CFAP61: variants seen among roughly 807,000 people sequenced by gnomAD.
CFAP61 encodes cilia- and flagella-associated protein 61.
In CFAP61, 107 loss-of-function variants were observed where a neutral mutation model predicts 135.6. The ratio of observed to expected loss-of-function variants is 0.79; its 90% confidence interval spans 0.67 to 0.93. The LOEUF is 0.93. CFAP61 is among the 40% of genes least tolerant of loss of function. CFAP61 has a pLI of 0.00. For missense variants in CFAP61, 1,507 were observed against 1,556.2 expected, an observed-to-expected ratio of 0.97 and a Z score of 0.53; for synonymous variants, 575 against 578.5, an observed-to-expected ratio of 0.99 and a Z score of 0.09.
At chr20:20,209,533 A>G (rs906080115) in intron 17 of CFAP61, among the ~76,000 whole-genome samples, 1 of 152,188 alleles carries the variant, frequency 6.6e-6, no homozygotes, top group Admixed American at 6.5e-5. Flanking sequence ...TTTTTATGTC[A>G]GATACAGATT....
chr20:20,295,160 T>C (rs932034879), intron 24 of CFAP61, among the ~76,000 whole-genome samples: 17 of 152,076 alleles, frequency 1.1e-4, no homozygotes, highest in African/African-American at 3.9e-4. Context: ...ACTGTGACCC[T>C]CGTCTTGAGG....
intron 17 of CFAP61, among the ~76,000 whole-genome samples, chr20:20,207,472 T>C (rs951818949): frequency 6.6e-6 from 1 of 152,222 alleles, no homozygotes; most frequent in African/African-American, 2.4e-5. Context: ...AGCTGCCTGC[T>C]GCAGAGCTCT....
At chr20:20,244,572 G>C (rs2050288779) in intron 18 of CFAP61, among the ~76,000 whole-genome samples, 1 of 152,190 alleles carries the variant, frequency 6.6e-6, no homozygotes, top group Non-Finnish European at 1.5e-5. Flanking sequence ...GGGACCCTGG[G>C]CTCAACCCAC....
At chr20:20,205,769 T>C (rs2056829426) in intron 17 of CFAP61, among the ~76,000 whole-genome samples, 1 of 152,226 alleles carries the variant, frequency 6.6e-6, no homozygotes, top group Non-Finnish European at 1.5e-5. Context: ...TGCAGTTAGC[T>C]CTCTGCTGTA....
chr20:20,178,640 A>G (rs1181079936), intron 13 of CFAP61, among the ~76,000 whole-genome samples: 1 of 151,204 alleles, frequency 6.6e-6, no homozygotes, highest in African/African-American at 2.4e-5. Flanking sequence ...TGGCTCAGTA[A>G]ATAAAATGCA....
At chr20:20,170,085 G>A (rs931686523) in intron 13 of CFAP61, among the ~76,000 whole-genome samples, 2 of 152,204 alleles carry the variant, frequency 1.3e-5, no homozygotes, top group South Asian at 4.1e-4. Flanking sequence ...CTGCAACTGT[G>A]ATGGGAGTAA....
chr20:20,061,938 C>T (rs545774250), intron 2 of CFAP61, among the ~76,000 whole-genome samples: 138 of 152,316 alleles, frequency 9.1e-4, no homozygotes, highest in Middle Eastern at 3.4e-3. Flanking sequence ...TGAGAGTGAA[C>T]ACCTCCTTCC....
At chr20:20,086,187 T>C (rs1325929270) in intron 6 of CFAP61, among the ~76,000 whole-genome samples, 2 of 151,794 alleles carry the variant, frequency 1.3e-5, no homozygotes, top group African/African-American at 2.4e-5. Flanking sequence ...TTATTATACT[T>C]TAAGTTTTAG....
At chr20:20,229,417 C>A (rs182147044) in intron 18 of CFAP61, among the ~76,000 whole-genome samples, 17 of 152,216 alleles carry the variant, frequency 1.1e-4, no homozygotes, top group African/African-American at 3.9e-4. Context: ...CCAGTTTTTC[C>A]AAATCTTTTG....
chr20:20,309,748 T>C (rs1454423609), intron 25 of CFAP61, among the ~76,000 whole-genome samples: 1 of 152,186 alleles, frequency 6.6e-6, no homozygotes, highest in East Asian at 1.9e-4. Flanking sequence ...ATAATTTTGC[T>C]CTCTGATAAA....
intron 13 of CFAP61, among the ~76,000 whole-genome samples, chr20:20,186,598 G>T (rs2146863585): frequency 6.6e-6 from 1 of 152,302 alleles, no homozygotes; most frequent in South Asian, 2.1e-4. Context: ...AGATTTTGGT[G>T]TAAGGTGGTC....
At chr20:20,260,219 C>T (rs2052045841) in intron 20 of CFAP61, among the ~76,000 whole-genome samples, 1 of 152,192 alleles carries the variant, frequency 6.6e-6, no homozygotes, top group African/African-American at 2.4e-5. Context: ...AAGGAAGCTT[C>T]TTTTTACTTT....
chr20:20,247,695 C>T (rs77527706), intron 19 of CFAP61, among the ~76,000 whole-genome samples: 35 of 152,334 alleles, frequency 2.3e-4, no homozygotes, highest in African/African-American at 8.4e-4. Context: ...ACTCTGTCTC[C>T]ATCTACTTAA....
chr20:20,104,204 A>C (rs920327402), intron 8 of CFAP61, among the ~76,000 whole-genome samples: 1 of 152,138 alleles, frequency 6.6e-6, no homozygotes, highest in Admixed American at 6.5e-5. Flanking sequence ...TTCAAAATAG[A>C]ATTTTTGTAA....
At chr20:20,223,596 T>G (rs2048540530) in intron 17 of CFAP61, among the ~76,000 whole-genome samples, 1 of 152,242 alleles carries the variant, frequency 6.6e-6, no homozygotes, top group Admixed American at 6.5e-5. Flanking sequence ...AATCTAACAT[T>G]GAAATTGAGT....
chr20:20,108,090 T>C (rs2048535603), intron 8 of CFAP61, among the ~76,000 whole-genome samples: 1 of 152,188 alleles, frequency 6.6e-6, no homozygotes, highest in South Asian at 2.1e-4. Flanking sequence ...AAGATCTTTT[T>C]CTCCCCCATT....
chr20:20,260,635 G>A (rs1035163092), intron 20 of CFAP61, among the ~76,000 whole-genome samples: 1 of 152,208 alleles, frequency 6.6e-6, no homozygotes, highest in Admixed American at 6.5e-5. Context: ...TTTCAAGATT[G>A]TAGTGAGCTA....
chr20:20,220,416 A>C (rs1463366997), intron 17 of CFAP61, among the ~76,000 whole-genome samples: 3 of 152,210 alleles, frequency 2.0e-5, no homozygotes, highest in Non-Finnish European at 2.9e-5. Flanking sequence ...TCTGTGAGCC[A>C]TCCTAGCAAA....
At chr20:20,351,574 G>GAAA (rs59389638) in intron 26 of CFAP61, among the ~76,000 whole-genome samples, 2 of 142,910 alleles carry the variant, frequency 1.4e-5, no homozygotes. Context: ...ACTCTGTCTC[G>GAAA]AAAAAAAAAA....
Sources: allele counts gnomAD v4.1 joint callset (sites outside exome capture counted in the v4.1 genomes callset), GRCh38; gene constraint gnomAD v4.1.1; transcripts MANE v1.5; gene names NCBI Gene and HGNC (gene_info 2026-07-23, HGNC 2026-07-21).